Variants in PAPLN observed in about 807,000 individuals in gnomAD.
PAPLN encodes the protein papilin, proteoglycan like sulfated glycoprotein, also known as papilin.
PAPLN carries 146 observed loss-of-function variants against 159.0 expected under a neutral mutation model. The ratio of observed to expected loss-of-function variants is 0.92; its 90% CI spans 0.80 to 1.05. The LOEUF is 1.05. Ranked by LOEUF, PAPLN falls within the 50% of genes least tolerant of loss-of-function variation. The pLI, the probability that PAPLN is intolerant of heterozygous loss-of-function variation, is 0.00. For missense variants in PAPLN, 1,720 were observed against 1,743.9 expected, an observed-to-expected ratio of 0.99 and a Z score of 0.24; for synonymous variants, 734 against 702.9, an observed-to-expected ratio of 1.04 and a Z score of -0.70.
chr14:73,255,964 G>C (rs1885865679), intron 14 of PAPLN, among the ~76,000 whole-genome samples: 8 of 152,210 alleles, frequency 5.3e-5, no homozygotes, highest in Admixed American at 5.2e-4. Flanking sequence ...GACCGTGGTG[G>C]TCATGCAGCA....
At chr14:73,236,921 G>T (rs1278983532), upstream of PAPLN, among the ~76,000 whole-genome samples, 1 of 139,172 alleles carries the variant, frequency 7.2e-6, no homozygotes, top group East Asian at 2.0e-4. Flanking sequence ...AGGGAGGGAG[G>T]GAAAGAAAGA....
chr14:73,242,001 C>T (rs1208846748), intron 2 of PAPLN, among the ~76,000 whole-genome samples: 4 of 152,252 alleles, frequency 2.6e-5, no homozygotes, highest in South Asian at 2.1e-4. Flanking sequence ...TGAGGGCAGG[C>T]CCCAGGTGAG....
chr14:73,241,723 G>A (rs1032409992), intron 2 of PAPLN, among the ~76,000 whole-genome samples: 1 of 152,238 alleles, frequency 6.6e-6, no homozygotes, highest in African/African-American at 2.4e-5. Context: ...CCCAGTCCGA[G>A]CACCTTCTCT....
At chr14:73,271,752 G>T (rs912658406) in intron 26 of PAPLN, among the ~76,000 whole-genome samples, 1 of 152,122 alleles carries the variant, frequency 6.6e-6, no homozygotes, top group Non-Finnish European at 1.5e-5. Context: ...CGCCCGCCTT[G>T]GCCTCCCAAA....
chr14:73,244,031 G>A (rs1392222193), intron 2 of PAPLN: 1 of 154,038 alleles, frequency 6.5e-6, no homozygotes, highest in Non-Finnish European at 1.4e-5. Flanking sequence ...CTCTTGAGGA[G>A]ATTATTTGCG....
chr14:73,271,951 G>A (rs1428630318), intron 26 of PAPLN, among the ~76,000 whole-genome samples: 2 of 152,230 alleles, frequency 1.3e-5, no homozygotes, highest in African/African-American at 4.8e-5. Flanking sequence ...AATATGCATT[G>A]CTTCCTCTGG....
chr14:73,245,517 C>T lies in PAPLN; in HGVS notation c.171-119C>T, dbSNP rs978022607. ...TTACGGGGTGGGGTCGGGGGACACC[C>T]TCTCACCTTGCTGCTCCCACTGGAG... On this transcript the variant is annotated intron_variant, in intron 3 of 26. Transcript: ENST00000644200. The surrounding 1 kb of genome is among the most constrained non-coding windows in gnomAD (Gnocchi z 4.2). The T allele has an allele frequency of 2.2e-5, 25 of 1,136,918 alleles. No homozygotes were observed. Among genetic ancestry groups the T allele is most frequent in the Admixed American group, 1.1e-4 (5 of 43,564 alleles). 70.4% of individuals were successfully genotyped at this position (1,136,918 alleles called of 1,614,324 possible). A position where few individuals can be genotyped will look rare whatever the true frequency, so the allele number is the denominator to read the frequency against.
Position 73,253,772 on chromosome 14 carries a change from G to A in PAPLN, c.1113G>A (p.Trp371Ter), listed in dbSNP as rs1475674277. The A allele has an allele frequency of 1.2e-6, 2 of 1,600,292 alleles. No individual in the cohort carries two copies. The highest frequency in any genetic ancestry group is 2.2e-5 in the East Asian group (1 of 44,490). ...PETKRWKAGP[W>*]APCSASCGGG... is the part of the protein sequence containing the mutation. ...CTGCCAGCTGGAAGGCAGGGCCATG[G>A]GCACCCTGCTCAGCCTCCTGTGGAG... is the stretch of plus-strand genomic sequence containing the variant. Residue 371 changes from tryptophan to a stop codon, truncating the protein, a stop_gained, in exon 12 of 27, where the codon TGG (tryptophan) becomes TGA (stop). Transcript: ENST00000644200. LOFTEE classifies it high-confidence loss of function.
chr14:73,263,527 C>A, intron 19 of PAPLN, 118 bp from the exon 20 acceptor site: 1 of 1,380,812 alleles, frequency 7.2e-7, no homozygotes, highest in Non-Finnish European at 1.0e-6. Flanking sequence ...ACCCTCTAGC[C>A]CCAAAAGTGC....
rs1431104938 is a variant in PAPLN, at chr14:73,264,526, G to GCCCTTCCTTCCACT, written c.2987-56_2987-43dup. ...TAAGTCCCTGCTGGTCTCATGGCCC[G>GCCCTTCCTTCCACT]CCCTTCCTTCCACTCCCTTTTCCTC... On this transcript the variant is annotated intron_variant, in intron 21 of 26. Coordinates refer to ENST00000644200, the MANE Select transcript of PAPLN (RefSeq NM_001365906.3). The GCCCTTCCTTCCACT allele has an allele frequency of 2.6e-6, 4 of 1,550,576 alleles. No homozygotes were observed. In the African/African-American group the frequency reaches 5.5e-5, roughly 21 times the overall value.
At position 73,262,790 on chromosome 14, in the gene PAPLN, G is replaced by A. The variant is rs177386; in HGVS notation, c.2686G>A (p.Gly896Arg). ...SRAPGLGGDAGSPAPPFHSSS... is the reference protein window; with the variant it reads ...SRAPGLGGDARSPAPPFHSSS... ...GGCCCCTGGACTGGGTGGAGATGCCGGATCACCAGCGCCACCCTTCCACAG... is the reference window on the plus strand; with the variant it reads ...GGCCCCTGGACTGGGTGGAGATGCCAGATCACCAGCGCCACCCTTCCACAG... Residue 896 changes from glycine (G) to arginine (R), a missense_variant, in exon 19 of 27, where the codon GGA (glycine) becomes AGA (arginine). By Grantham distance (125) the Gly-to-Arg change is moderately radical. Coordinates refer to ENST00000644200, the MANE Select transcript of PAPLN (RefSeq NM_001365906.3). 0.023 allele frequency: 35,075 copies of A among 1,498,106 alleles called. 545 individuals are homozygous for A. The highest frequency in any genetic ancestry group is 0.061 in the Middle Eastern group (244 of 4,014). The allele number at this position is 1,498,106 out of a possible 1,614,324, so 92.8% of individuals were successfully genotyped here.
At chr14:73,249,946 A>G (rs1284604438) in intron 5 of PAPLN, 38 bp from the exon 6 acceptor site, 1 of 1,563,670 alleles carries the variant, frequency 6.4e-7, no homozygotes, top group East Asian at 2.3e-5. Context: ...GGCATCATCA[A>G]CCTCAGGATC....
At chr14:73,239,503 T>C (rs1402836568) in intron 1 of PAPLN, 1 of 484,768 alleles carries the variant, frequency 2.1e-6, no homozygotes, top group South Asian at 3.8e-5. Flanking sequence ...TGCTCTCTCT[T>C]TTTTTCCCCT....
intron 11 of PAPLN, 108 bp downstream of exon 11, chr14:73,252,883 A>G: frequency 6.6e-7 from 1 of 1,508,256 alleles, no homozygotes. Flanking sequence ...GTGGGGGTCC[A>G]GGGCCCCCCA....
Position 73,268,621 on chromosome 14 carries a change from A to G in PAPLN, c.3565A>G (p.Ile1189Val), listed in dbSNP as rs1395530937. The G allele has an allele frequency of 3.7e-6, 6 of 1,613,802 alleles. No individual in the cohort carries two copies. The highest frequency in any genetic ancestry group is 1.3e-5 in the African/African-American group (1 of 74,848). Residue 1189 changes from isoleucine to valine, a missense_variant, in exon 26 of 27, where the codon ATT becomes GTT. Physicochemically the swap from Ile to Val is conservative, Grantham distance 29 (BLOSUM62 3). Transcript: ENST00000644200. ...VHQSPDGTLLIYNLRARDEGS... is the reference protein window; with the variant it reads ...VHQSPDGTLLVYNLRARDEGS... The stretch of plus-strand genomic sequence containing the variant: ...CCAGTCCCCAGATGGCACGCTGCTC[A>G]TTTACAACTTGCGGGCCAGGGATGA...
Position 73,260,739 on chromosome 14 carries a change from C to A in PAPLN, c.2016C>A (p.Val672=). ...GGTGCTGCCCTGACAGGGTATCTGT[C>A]GCTGAGGGGCCCCATCACGCTGGCT... ...RYGCCPDRVS[V]AEGPHHAGCT... Residue 672 remains valine (V), a synonymous_variant, in exon 17 of 27, where the codon GTC becomes GTA. Coordinates refer to ENST00000644200, the MANE Select transcript of PAPLN (RefSeq NM_001365906.3). 6.8e-7 allele frequency: 1 copy of A among 1,476,044 alleles called. No homozygotes were observed. Among genetic ancestry groups the A allele is most frequent in the South Asian group, 1.5e-5 (1 of 67,354 alleles). 91.4% of individuals were successfully genotyped at this position (1,476,044 alleles called of 1,614,324 possible). A position where few individuals can be genotyped will look rare whatever the true frequency, so the allele number is the denominator to read the frequency against.
At chr14:73,254,379 C>T (rs1225853393) in intron 12 of PAPLN, 134 bp from the exon 13 acceptor site, 32 of 1,127,108 alleles carry the variant, frequency 2.8e-5, no homozygotes, top group Non-Finnish European at 3.8e-5. Flanking sequence ...GAGTCAGCCT[C>T]TCTGGGCCTG....
chr14:73,271,569 T>A (rs1887724404), intron 26 of PAPLN, among the ~76,000 whole-genome samples: 2 of 151,972 alleles, frequency 1.3e-5, no homozygotes, highest in South Asian at 4.1e-4. Context: ...TGGTGTGGTC[T>A]CAGCTCACTG....
rs907876600 is a variant in PAPLN at position 73,245,962 on chromosome 14, C to T, written c.232-111C>T. 38 of 1,151,546 alleles carry T rather than the reference C, an allele frequency of 3.3e-5. No homozygotes were observed. The highest frequency in any genetic ancestry group is 4.5e-5 in the Non-Finnish European group (38 of 844,452). The allele number at this position is 1,151,546 out of a possible 1,614,324, so 71.3% of individuals were successfully genotyped here. A position where few individuals can be genotyped will look rare whatever the true frequency, so the allele number is the denominator to read the frequency against. On this transcript the variant is annotated intron_variant, in intron 4 of 26. Transcript: ENST00000644200. This position sits in a 1 kb window ranked among gnomAD's most constrained non-coding sequence, Gnocchi z 4.2. ...GGGCGGACTCCACCTCCGGCGGCTC[C>T]GATGGGGCAGGCAAGGGAGACTCCT...
Sources: allele counts gnomAD v4.1 joint callset (sites outside exome capture counted in the v4.1 genomes callset), GRCh38; gene constraint gnomAD v4.1.1; non-coding constraint Gnocchi (gnomAD v3.1); transcripts MANE v1.5; gene names NCBI Gene and HGNC (gene_info 2026-07-23, HGNC 2026-07-21).